The following RASGEF1B variants were observed in gnomAD, a reference collection of about 807,000 sequenced individuals.
The protein encoded by RASGEF1B is ras-GEF domain-containing family member 1B.
A neutral mutation model predicts 65.7 loss-of-function variants in RASGEF1B; 30 were observed. The ratio of observed to expected loss-of-function variants is 0.46; its 90% CI spans 0.34 to 0.62. The LOEUF is 0.62. Ranked by LOEUF, RASGEF1B falls within the 20% of genes least tolerant of loss-of-function variation. RASGEF1B has a pLI of 0.01. For synonymous variants in RASGEF1B, 175 were observed against 194.8 expected, an observed-to-expected ratio of 0.90 and a Z score of 0.85; for missense variants, 495 against 580.1, an observed-to-expected ratio of 0.85 and a Z score of 1.51.
In RASGEF1B at chr4:81,445,851, C is replaced by CA; in HGVS notation, c.730-14dup. On this transcript the variant is annotated splice_polypyrimidine_tract_variant and intron_variant, in intron 6 of 13. Coordinates refer to ENST00000264400, the MANE Select transcript of RASGEF1B (RefSeq NM_152545.3). ...CACTGTAGCAACTCTTTAGAGAAAA[C>CA]AAAGTAAACAGATGAGTTAGAGGAA... The CA allele has an allele frequency of 6.3e-7, 1 of 1,596,538 alleles. No homozygotes were observed. Among genetic ancestry groups the CA allele is most frequent in the Non-Finnish European group, 8.6e-7 (1 of 1,164,852 alleles).
At chr4:81,429,555 C>T (rs937939967) in intron 13 of RASGEF1B, among the ~76,000 whole-genome samples, 1 of 152,154 alleles carries the variant, frequency 6.6e-6, no homozygotes, top group African/African-American at 2.4e-5. Flanking sequence ...TGTTGCATTT[C>T]CCAAGACCAC....
At chr4:81,457,364 T>G in intron 3 of RASGEF1B, 135 bp downstream of exon 3, 1 of 767,150 alleles carries the variant, frequency 1.3e-6, no homozygotes, top group African/African-American at 1.8e-5. Context: ...CATTCACAAT[T>G]CCCCTTGTAT....
At chr4:81,436,317 C>A (rs1157401938) in intron 10 of RASGEF1B, among the ~76,000 whole-genome samples, 2 of 152,072 alleles carry the variant, frequency 1.3e-5, no homozygotes, top group Non-Finnish European at 2.9e-5. Flanking sequence ...TAGGAAATCA[C>A]CTAAGAAGTA....
intron 5 of RASGEF1B, 77 bp downstream of exon 5, chr4:81,447,992 G>A (rs1578626283): frequency 3.4e-5 from 41 of 1,208,304 alleles, no homozygotes; most frequent in East Asian, 3.0e-4. Context: ...TGACATTACC[G>A]CTGACAAATA....
intron 1 of RASGEF1B, among the ~76,000 whole-genome samples, chr4:81,464,029 C>T (rs1436407799): frequency 6.6e-6 from 1 of 152,146 alleles, no homozygotes; most frequent in Non-Finnish European, 1.5e-5. Context: ...GCTCGTAACC[C>T]ATAACTTCCA....
rs761776599 is a variant in RASGEF1B, at chr4:81,445,574, G to A, written c.880C>T (p.Arg294Trp). The A allele has an allele frequency of 4.3e-6, 7 of 1,613,888 alleles. No individual in the cohort carries two copies. Among genetic ancestry groups the A allele is most frequent in the East Asian group, 2.2e-5 (1 of 44,890 alleles). The change falls in exon 8 of 14, where the codon CGG (arginine) becomes TGG (tryptophan). Residue 294 changes from arginine to tryptophan, a missense_variant. By Grantham distance (101) the Arg-to-Trp change is moderately radical. Transcript: ENST00000264400. ...AAGTTGCCAATGTTAAAACACTCCC[G>A]AGCTACGTCAATGAAATACTCAATC... The part of the protein sequence containing the change: ...RMIEYFIDVA[R>W]ECFNIGNFNS...
chr4:81,433,139 G>C (rs1283791414), intron 12 of RASGEF1B, among the ~76,000 whole-genome samples: 3 of 151,782 alleles, frequency 2.0e-5, no homozygotes, highest in Non-Finnish European at 4.4e-5. Context: ...TAAGGTGAGA[G>C]GATTGCTTGA....
chr4:81,456,902 A>G, intron 3 of RASGEF1B, 114 bp from the exon 4 acceptor site: 1 of 933,892 alleles, frequency 1.1e-6, no homozygotes, highest in Non-Finnish European at 1.6e-6. Context: ...TTTAGGGATG[A>G]AGAAGAAGCT....
chr4:81,460,855 G>A (rs775547969), intron 1 of RASGEF1B, among the ~76,000 whole-genome samples: 3 of 152,218 alleles, frequency 2.0e-5, no homozygotes, highest in African/African-American at 7.2e-5. Flanking sequence ...ACAATTTAAC[G>A]GGATCCATGA....
chr4:81,445,355 A>G (rs951314046), intron 8 of RASGEF1B, among the ~76,000 whole-genome samples, 171 bp downstream of exon 8: 1 of 152,232 alleles, frequency 6.6e-6, no homozygotes, highest in African/African-American at 2.4e-5. Flanking sequence ...GAAAGATTAC[A>G]CACATACTTG....
In RASGEF1B at chr4:81,426,870, T is replaced by C. The variant is rs1490057217; in HGVS notation, c.*898A>G. 1 of 151,492 alleles carries C rather than the reference T, an allele frequency of 6.6e-6. No individual in the cohort carries two copies. Among genetic ancestry groups the C allele is most frequent in the East Asian group, 1.9e-4 (1 of 5,158 alleles). 9.4% of individuals were successfully genotyped at this position (151,492 alleles called of 1,614,324 possible). On this transcript the variant is annotated 3_prime_UTR_variant, in exon 14 of 14. Coordinates refer to ENST00000264400, the MANE Select transcript of RASGEF1B (RefSeq NM_152545.3). ...TCCCAAGATCCTTAAAGTCAGCTCA[T>C]TTAAATTTACAAGAGAAAAATAACA...
At chr4:81,467,798 C>T (rs1017117869) in intron 1 of RASGEF1B, among the ~76,000 whole-genome samples, 6 of 152,102 alleles carry the variant, frequency 3.9e-5, no homozygotes, top group Admixed American at 3.3e-4. Flanking sequence ...ATTGTAGGTG[C>T]TCATCTATAA....
At chr4:81,445,706 T>A (rs1458951609) in intron 7 of RASGEF1B, 37 bp downstream of exon 7, 2 of 1,591,006 alleles carry the variant, frequency 1.3e-6, no homozygotes, top group East Asian at 4.5e-5. Context: ...GAAAAAATAA[T>A]GTTGAGAACT....
At chr4:81,437,016 G>T (rs184662350) in intron 10 of RASGEF1B, among the ~76,000 whole-genome samples, 4 of 152,196 alleles carry the variant, frequency 2.6e-5, no homozygotes, top group Middle Eastern at 6.8e-3. Context: ...CATTATGTTA[G>T]AACTAAACAG....
intron 5 of RASGEF1B, 139 bp from the exon 6 acceptor site, chr4:81,447,717 C>T (rs1722083421): frequency 7.0e-6 from 5 of 716,286 alleles, no homozygotes; most frequent in Non-Finnish European, 1.2e-5. Flanking sequence ...TAAATAATTT[C>T]ATCATCTTCA....
intron 6 of RASGEF1B, 120 bp from the exon 7 acceptor site, chr4:81,445,958 A>G (rs1318996545): frequency 2.9e-6 from 2 of 684,294 alleles, no homozygotes; most frequent in Non-Finnish European, 5.0e-6. Context: ...TTTGAGAACA[A>G]CAGAAAGAGA....
At chr4:81,445,935 G>A in intron 6 of RASGEF1B, 97 bp from the exon 7 acceptor site, 1 of 813,922 alleles carries the variant, frequency 1.2e-6, no homozygotes, top group East Asian at 2.6e-5. Context: ...TCAGTTTATG[G>A]ATTAGGAAAG....
chr4:81,456,256 TAATAG>T (rs1433560661), intron 4 of RASGEF1B: 33 of 519,114 alleles, frequency 6.4e-5, no homozygotes, highest in Middle Eastern at 5.0e-4. Flanking sequence ...TATCCTCGGT[TAATAG>T]AATAATGTTA....
intron 5 of RASGEF1B, among the ~76,000 whole-genome samples, 184 bp from the exon 6 acceptor site, chr4:81,447,762 A>G (rs1722085553): frequency 6.6e-6 from 1 of 152,134 alleles, no homozygotes; most frequent in African/African-American, 2.4e-5. Context: ...GCTTGGGTCA[A>G]TGTTCCACAA....
Sources: allele counts gnomAD v4.1 joint callset (sites outside exome capture counted in the v4.1 genomes callset), GRCh38; gene constraint gnomAD v4.1.1; transcripts MANE v1.5; gene names NCBI Gene and HGNC (gene_info 2026-07-23, HGNC 2026-07-21).